DRICH1: variants seen among roughly 807,000 people sequenced by gnomAD.
DRICH1 encodes the protein aspartate rich 1, also known as aspartate-rich protein 1.
DRICH1 carries 38 observed loss-of-function variants against 39.5 expected under a neutral mutation model. The observed-to-expected ratio is 0.96, with a 90% confidence interval of 0.74 to 1.26. DRICH1 has a LOEUF of 1.26. DRICH1 is among the 50% of genes most tolerant of loss of function. The pLI is 0.00. For missense variants in DRICH1, 279 were observed against 270.4 expected (o/e 1.03, Z -0.22); for synonymous variants, 84 against 99.5 (o/e 0.84, Z 0.93).
intron 4 of DRICH1, 23 bp downstream of exon 4, chr22:23,622,068 A>G: frequency 1.2e-6 from 2 of 1,610,736 alleles, no homozygotes; most frequent in Non-Finnish European, 1.7e-6. Context: ...ATTTCCTTAG[A>G]AGACAAAGAA....
chr22:23,614,242 G>A (rs1029584209), intron 8 of DRICH1, 28 bp from the exon 9 acceptor site: 9 of 1,554,894 alleles, frequency 5.8e-6, no homozygotes, highest in Non-Finnish European at 8.0e-6. Flanking sequence ...AAAGATCAGT[G>A]CACCGGTGGT....
At chr22:23,631,760 G>C (rs1044928097) in intron 1 of DRICH1, 56 bp downstream of exon 1, 8 of 1,376,734 alleles carry the variant, frequency 5.8e-6, no homozygotes, top group South Asian at 1.2e-5. Context: ...TAAGGGAAGG[G>C]GGTGGGGGTG....
chr22:23,584,463 G>C, the DRICH1 span, among the ~76,000 whole-genome samples: 1 of 152,150 alleles, frequency 6.6e-6, no homozygotes, highest in East Asian at 1.9e-4. Flanking sequence ...CTCTCAGGCT[G>C]TCTCCAGAGG....
intron 8 of DRICH1, 95 bp from the exon 9 acceptor site, chr22:23,614,309 A>T: frequency 1.2e-6 from 1 of 839,036 alleles, no homozygotes; most frequent in Non-Finnish European, 2.1e-6. Flanking sequence ...GAGGTGGTTG[A>T]TTAACAAGCA....
chr22:23,625,850 A>C (rs552747438), intron 2 of DRICH1, 131 bp downstream of exon 2: 8 of 715,188 alleles, frequency 1.1e-5, no homozygotes, highest in Non-Finnish European at 1.9e-5. Context: ...ATCTTGCAAG[A>C]CCATCATTAA....
intron 1 of DRICH1, among the ~76,000 whole-genome samples, chr22:23,626,655 A>G (rs560450590): frequency 2.4e-4 from 36 of 152,306 alleles, no homozygotes; most frequent in African/African-American, 8.4e-4. Context: ...GCAAGAAGTT[A>G]TTCCAGAGAG....
chr22:23,612,264 C>G (rs933967472), intron 11 of DRICH1, among the ~76,000 whole-genome samples: 2 of 151,770 alleles, frequency 1.3e-5, no homozygotes, highest in Non-Finnish European at 2.9e-5. Flanking sequence ...TGAGGAGTTC[C>G]TGACTAGCCT....
the DRICH1 span, among the ~76,000 whole-genome samples, chr22:23,584,112 G>A: frequency 6.6e-6 from 1 of 152,186 alleles, no homozygotes; most frequent in African/African-American, 2.4e-5. Flanking sequence ...GGGCTGGGCT[G>A]GGCCGGGCCT....
rs1388138022 is a variant in DRICH1, at chr22:23,620,755, T to C, written c.385-140A>G. Reference sequence around the variant, plus strand: ...AGTCAAGGTCAAAGGCCAAACATTCTAGCATAGAGAACACCTGTGGAAAAG... The same window carrying C: ...AGTCAAGGTCAAAGGCCAAACATTCCAGCATAGAGAACACCTGTGGAAAAG... On this transcript the variant is annotated intron_variant, in intron 4 of 11. Transcript: ENST00000317749. The C allele has an allele frequency of 6.4e-6, 6 of 938,020 alleles. No individual in the cohort carries two copies. In the Admixed American group the frequency reaches 7.7e-5, roughly 12 times the overall value. The allele number at this position is 938,020 out of a possible 1,614,324, so 58.1% of individuals were successfully genotyped here.
the DRICH1 span, among the ~76,000 whole-genome samples, chr22:23,601,869 G>A: frequency 6.6e-6 from 1 of 152,274 alleles, no homozygotes; most frequent in Non-Finnish European, 1.5e-5. Flanking sequence ...AGAGACCAGT[G>A]GTTGCCGTGG....
chr22:23,598,831 G>A, the DRICH1 span, among the ~76,000 whole-genome samples: 2 of 152,060 alleles, frequency 1.3e-5, no homozygotes, highest in South Asian at 2.1e-4. Context: ...GTTCCATACA[G>A]GTGTGCTCCA....
At position 23,614,166 on chromosome 22, in the gene DRICH1, T is replaced by C. The variant is rs1927210075; in HGVS notation, c.590A>G (p.Asp197Gly). The C allele has an allele frequency of 1.2e-6, 2 of 1,613,850 alleles. No individual in the cohort carries two copies. Among genetic ancestry groups the C allele is most frequent in the South Asian group, 1.1e-5 (1 of 91,088 alleles). ...GTCATCATCATCTTCTTCTTCTTCA[T>C]CTTTGTGTCTCAGTGAGCATCTTAA... The part of the protein sequence containing the change: ...LFLRCSLRHK[D>G]EEEEDDDDIH... The change falls in exon 9 of 12, where the codon GAT (aspartate) becomes GGT (glycine). Residue 197 changes from aspartate (D) to glycine (G), a missense_variant. Coordinates refer to ENST00000317749, the MANE Select transcript of DRICH1 (RefSeq NM_016449.4).
chr22:23,615,065 G>C (rs986498187), intron 8 of DRICH1, among the ~76,000 whole-genome samples: 5 of 152,170 alleles, frequency 3.3e-5, no homozygotes, highest in Non-Finnish European at 2.9e-5. Context: ...TTTTTGGTTA[G>C]CTATCTTATA....
intron 4 of DRICH1, among the ~76,000 whole-genome samples, chr22:23,621,446 C>T (rs142892813): frequency 6.6e-6 from 1 of 151,902 alleles, no homozygotes; most frequent in Non-Finnish European, 1.5e-5. Context: ...TAAAGCCCCT[C>T]CCCAACAATC....
chr22:23,606,793 G>C (rs1037090622), downstream of DRICH1, among the ~76,000 whole-genome samples: 4 of 152,176 alleles, frequency 2.6e-5, no homozygotes, highest in Non-Finnish European at 5.9e-5. Context: ...GCGACCAAAG[G>C]CTGGCCCTCC....
At chr22:23,581,241 T>G in the DRICH1 span, 2 of 151,664 alleles carry the variant, frequency 1.3e-5, no homozygotes, top group African/African-American at 4.9e-5. Flanking sequence ...TCCTGAGCGG[T>G]GAGTGCATCA....
the DRICH1 span, among the ~76,000 whole-genome samples, chr22:23,597,861 GAAC>G: frequency 2.0e-5 from 3 of 152,182 alleles, no homozygotes; most frequent in African/African-American, 7.2e-5. Context: ...TGAGCTGCAT[GAAC>G]ACCCAGTGCA....
At chr22:23,586,414 A>C in the DRICH1 span, among the ~76,000 whole-genome samples, 4 of 152,320 alleles carry the variant, frequency 2.6e-5, no homozygotes, top group East Asian at 7.7e-4. Flanking sequence ...ATCTGAGCCC[A>C]GGAGGTCTAG....
At chr22:23,602,974 T>C in the DRICH1 span, among the ~76,000 whole-genome samples, 6 of 151,924 alleles carry the variant, frequency 3.9e-5, no homozygotes, top group Non-Finnish European at 7.4e-5. Flanking sequence ...ACATTTAGGC[T>C]GTTTCCACTT....
Sources: allele counts gnomAD v4.1 joint callset (sites outside exome capture counted in the v4.1 genomes callset), GRCh38; gene constraint gnomAD v4.1.1; transcripts MANE v1.5; gene names NCBI Gene and HGNC (gene_info 2026-07-23, HGNC 2026-07-21).